The following CREB3L2 variants were observed in gnomAD, a reference collection of about 807,000 sequenced individuals.
The protein encoded by CREB3L2 is cyclic AMP-responsive element-binding protein 3-like protein 2.
Under a neutral mutation model 57.2 loss-of-function variants are expected in CREB3L2, and 23 were observed. The ratio of observed to expected loss-of-function variants is 0.40; its 90% CI spans 0.29 to 0.57. The LOEUF (loss-of-function observed/expected upper bound fraction) is 0.57. CREB3L2 is among the 20% of genes least tolerant of loss of function. CREB3L2 has a pLI of 0.42. For synonymous variants in CREB3L2, 268 were observed against 265.1 expected (o/e 1.01, Z -0.11); for missense variants, 628 against 634.7 (o/e 0.99, Z 0.11).
rs1171998494 is a variant in CREB3L2 at position 137,915,970 on chromosome 7, G to A, written c.362C>T (p.Pro121Leu). 3.1e-6 allele frequency: 5 copies of A among 1,613,966 alleles called. No individual in the cohort carries two copies. Among genetic ancestry groups the A allele is most frequent in the Non-Finnish European group, 4.2e-6 (5 of 1,179,928 alleles). The change falls in exon 3 of 12, where the codon CCT becomes CTT. Residue 121 changes from proline (P) to leucine (L), a missense_variant. By Grantham distance (98) the Pro-to-Leu change is moderately conservative. Coordinates refer to ENST00000330387, the MANE Select transcript of CREB3L2 (RefSeq NM_194071.4). ...SEKWYLSTDF[P>L]STSIKTEPVT... ...TGGCTCTGTCTTGATGGATGTTGAA[G>A]GGAAGTCTGTAGACAGGTACCATTT...
intron 4 of CREB3L2, among the ~76,000 whole-genome samples, chr7:137,910,192 G>C (rs273963): frequency 0.71 from 107,671 of 151,980 alleles, 39,817 homozygotes; most frequent in African/African-American, 0.92. Flanking sequence ...GCAATGCCCC[G>C]TCAGCCAACC....
At chr7:137,893,976 G>A (rs998819985) in intron 8 of CREB3L2, among the ~76,000 whole-genome samples, 4 of 152,196 alleles carry the variant, frequency 2.6e-5, no homozygotes, top group Admixed American at 6.5e-5. Flanking sequence ...CCAAAATGTG[G>A]TAGTATAAGC....
intron 4 of CREB3L2, 184 bp downstream of exon 4, chr7:137,912,807 A>G (rs1473795088): frequency 2.7e-6 from 4 of 1,495,874 alleles, no homozygotes; most frequent in Non-Finnish European, 3.6e-6. Flanking sequence ...TGGGAAAATA[A>G]TAGTTAGCTT....
intron 1 of CREB3L2, among the ~76,000 whole-genome samples, chr7:137,960,648 C>A (rs1369934826): frequency 6.6e-6 from 1 of 152,020 alleles, no homozygotes; most frequent in African/African-American, 2.4e-5. Flanking sequence ...GGAAAGACAT[C>A]CACAGGGGAA....
At chr7:137,953,650 G>A (rs1209838894) in intron 1 of CREB3L2, 6 of 591,548 alleles carry the variant, frequency 1.0e-5, no homozygotes, top group Admixed American at 4.8e-5. Flanking sequence ...TTTAAGGCTG[G>A]GAAGGGGTAG....
intron 8 of CREB3L2, among the ~76,000 whole-genome samples, chr7:137,890,830 A>G (rs1799514834): frequency 6.6e-6 from 1 of 152,218 alleles, no homozygotes. Flanking sequence ...ACTTGCATGA[A>G]GGGCTGGGTG....
chr7:137,887,379 C>T (rs1799442076), intron 8 of CREB3L2, among the ~76,000 whole-genome samples: 1 of 152,114 alleles, frequency 6.6e-6, no homozygotes, highest in South Asian at 2.1e-4. Context: ...ATTGGAGCAG[C>T]CCTCAGCACA....
At chr7:137,983,870 C>T (rs974285713) in intron 1 of CREB3L2, among the ~76,000 whole-genome samples, 3 of 152,192 alleles carry the variant, frequency 2.0e-5, no homozygotes, top group Non-Finnish European at 4.4e-5. Flanking sequence ...TTATTGTTGG[C>T]CGGCTGCTTT....
At chr7:137,915,284 C>T (rs545523804) in intron 3 of CREB3L2, among the ~76,000 whole-genome samples, 13 of 151,966 alleles carry the variant, frequency 8.6e-5, no homozygotes, top group Admixed American at 2.6e-4. Context: ...ATGCTTTCCA[C>T]GGGTAACACA....
chr7:137,916,515 A>T (rs1303979019), intron 2 of CREB3L2, among the ~76,000 whole-genome samples: 1 of 152,216 alleles, frequency 6.6e-6, no homozygotes, highest in Non-Finnish European at 1.5e-5. Context: ...CATGAGTTCA[A>T]CACCAACCTG....
intron 11 of CREB3L2, among the ~76,000 whole-genome samples, chr7:137,881,940 GTA>G (rs1799301533): frequency 6.6e-6 from 1 of 152,166 alleles, no homozygotes; most frequent in African/African-American, 2.4e-5. Flanking sequence ...ACTATAATAT[GTA>G]TAGTTTTAAT....
At chr7:137,882,074 T>C (rs972212375) in intron 11 of CREB3L2, among the ~76,000 whole-genome samples, 4 of 152,242 alleles carry the variant, frequency 2.6e-5, no homozygotes, top group African/African-American at 9.6e-5. Flanking sequence ...GCAAACACAC[T>C]GTGGTTACCT....
At chr7:137,938,445 A>C (rs1724910738) in intron 1 of CREB3L2, among the ~76,000 whole-genome samples, 2 of 152,176 alleles carry the variant, frequency 1.3e-5, no homozygotes, top group South Asian at 4.2e-4. Context: ...TCCTGGGTTC[A>C]AGCGATTCTC....
chr7:137,945,305 C>T (rs531676215), intron 1 of CREB3L2, among the ~76,000 whole-genome samples: 30 of 152,286 alleles, frequency 2.0e-4, no homozygotes, highest in Middle Eastern at 3.4e-3. Context: ...AGTGTTAATA[C>T]GGTTTTTTAA....
At chr7:137,937,420 G>T (rs1375440383) in intron 1 of CREB3L2, among the ~76,000 whole-genome samples, 1 of 152,220 alleles carries the variant, frequency 6.6e-6, no homozygotes, top group Non-Finnish European at 1.5e-5. Context: ...TCCCCTTGCA[G>T]GGAGAGAAGG....
chr7:137,928,194 T>C lies in CREB3L2; in HGVS notation c.275A>G (p.Gln92Arg), dbSNP rs757315726. The change falls in exon 2 of 12, where the codon CAG (glutamine) becomes CGG (arginine). Residue 92 changes from glutamine to arginine, a missense_variant. Coordinates refer to ENST00000330387, the MANE Select transcript of CREB3L2 (RefSeq NM_194071.4). Reference sequence around the variant, plus strand: ...GGTGGTAATGTGGGTGAAGGGCGACTGGGCCCGAGGCTCCTCGCACAGGGA... The same window carrying C: ...GGTGGTAATGTGGGTGAAGGGCGACCGGGCCCGAGGCTCCTCGCACAGGGA... The part of the protein sequence containing the change: ...SYSLCEEPRA[Q>R]SPFTHITTSD... The C allele has an allele frequency of 6.3e-7, 1 of 1,599,912 alleles. No homozygotes were observed. The highest frequency in any genetic ancestry group is 1.1e-5 in the South Asian group (1 of 89,322).
intron 1 of CREB3L2, among the ~76,000 whole-genome samples, chr7:137,948,427 T>C (rs1326417193): frequency 1.3e-5 from 2 of 152,166 alleles, no homozygotes; most frequent in African/African-American, 2.4e-5. Context: ...ACCCATAGCT[T>C]CTCCATCTCC....
chr7:137,981,938 A>G (rs1045125032), intron 1 of CREB3L2, among the ~76,000 whole-genome samples: 18 of 152,294 alleles, frequency 1.2e-4, no homozygotes, highest in South Asian at 2.1e-4. Flanking sequence ...GTTCTTGGGC[A>G]GTAAGCTCAC....
Position 137,878,951 on chromosome 7 carries a change from G to C in CREB3L2, c.*1525C>G. ...GGGGAGAGAGAGAAGGAGAGACAGA[G>C]AGAGAGAGGGAGAGAGAGAAGCCAA... On this transcript the variant is annotated 3_prime_UTR_variant, in exon 12 of 12. Coordinates refer to ENST00000330387, the MANE Select transcript of CREB3L2 (RefSeq NM_194071.4). 2.4e-6 allele frequency: 1 copy of C among 414,748 alleles called. No homozygotes were observed. The highest frequency in any genetic ancestry group is 4.5e-6 in the Non-Finnish European group (1 of 222,246). The allele number at this position is 414,748 out of a possible 1,614,324, so 25.7% of individuals were successfully genotyped here.
Sources: gnomAD v4.1 joint callset for allele counts (sites outside exome capture counted in the v4.1 genomes callset) on GRCh38, gnomAD v4.1.1 for gene constraint, MANE v1.5 for transcripts, NCBI Gene and HGNC (gene_info 2026-07-23, HGNC 2026-07-21) for gene names.